RYR2: variants seen among roughly 807,000 people sequenced by gnomAD.
The protein encoded by RYR2 is cardiac muscle ryanodine receptor-calcium release channel.
In RYR2, 227 loss-of-function variants were observed where a neutral mutation model predicts 601.1. That is an observed-to-expected ratio of 0.38 (90% CI 0.34 to 0.42). The LOEUF (loss-of-function observed/expected upper bound fraction) is 0.42. Among genes scored for constraint, RYR2 ranks in the 10% least tolerant of loss-of-function variants. The pLI is 1.00. For synonymous variants in RYR2, 2,223 were observed against 2,175.1 expected (o/e 1.02, Z -0.61); for missense variants, 4,646 against 6,156.5 (o/e 0.75, Z 8.21).
intron 1 of RYR2, among the ~76,000 whole-genome samples, chr1:237,066,673 G>T (rs755287336): frequency 6.9e-6 from 1 of 145,656 alleles, no homozygotes; most frequent in African/African-American, 2.6e-5. Context: ...ACGGAGTCTC[G>T]CTCTGTCGCC....
chr1:237,609,135 CCTCT>C lies in RYR2; in HGVS notation c.4684-1616_4684-1613del, dbSNP rs564901040. 2.7e-3 allele frequency among the ~76,000 whole-genome samples: 346 copies of C among 130,120 alleles called. 2 individuals are homozygous for C. Among genetic ancestry groups the C allele is most frequent in the African/African-American group, 8.4e-3 (325 of 38,656 alleles). 85.4% of individuals were successfully genotyped at this position (130,120 alleles called of 152,430 possible). A position where few individuals can be genotyped will look rare whatever the true frequency, so the allele number is the denominator to read the frequency against. On this transcript the variant is annotated intron_variant, in intron 35 of 104. Transcript: ENST00000366574. ...CTGATGTGATCTCAGCTCACTACAA[CCTCT>C]CTCTCTCTCTTTTTCTCTTTCTCTC... is the stretch of plus-strand genomic sequence containing the variant.
intron 100 of RYR2, among the ~76,000 whole-genome samples, chr1:237,809,837 A>G (rs1266786755): frequency 6.6e-6 from 1 of 152,226 alleles, no homozygotes; most frequent in Non-Finnish European, 1.5e-5. Context: ...ATGACAACTC[A>G]GTGGGACAGA....
chr1:237,818,970 C>T lies in RYR2; in HGVS notation c.14434-66C>T, dbSNP rs2275691. ...AGGATTAGGAACTACAGAGATAACT[C>T]GGGTTTGTCGAGAAAAAAAAATGGG... On this transcript the variant is annotated intron_variant, in intron 100 of 104. Coordinates refer to ENST00000366574, the MANE Select transcript of RYR2 (RefSeq NM_001035.3). The T allele has an allele frequency of 0.034, 47,886 of 1,428,196 alleles. 4,933 individuals are homozygous for T. The highest frequency in any genetic ancestry group is 0.3 in the African/African-American group (20,898 of 70,604). The allele number at this position is 1,428,196 out of a possible 1,614,324, so 88.5% of individuals were successfully genotyped here.
At chr1:237,810,668 G>A (rs1029552020) in intron 100 of RYR2, among the ~76,000 whole-genome samples, 1 of 152,082 alleles carries the variant, frequency 6.6e-6, no homozygotes, top group Non-Finnish European at 1.5e-5. Context: ...AAGAACATTA[G>A]CTGCCCTCAC....
intron 41 of RYR2, among the ~76,000 whole-genome samples, chr1:237,628,983 A>G (rs554215420): frequency 1.3e-5 from 2 of 152,320 alleles, no homozygotes; most frequent in South Asian, 4.1e-4. Context: ...CCCCATATTC[A>G]AGAGTGAGGA....
chr1:237,428,757 T>A (rs1706474487), intron 12 of RYR2, among the ~76,000 whole-genome samples: 1 of 146,744 alleles, frequency 6.8e-6, no homozygotes. Context: ...CCTGGAACAT[T>A]AAAAAAAAAA....
At chr1:237,151,981 C>T (rs138081565) in intron 1 of RYR2, among the ~76,000 whole-genome samples, 20 of 152,216 alleles carry the variant, frequency 1.3e-4, no homozygotes, top group African/African-American at 4.8e-4. Context: ...CATGCATTAG[C>T]TATTTGCCCT....
chr1:237,550,454 T>C, intron 26 of RYR2, 90 bp from the exon 27 acceptor site: 2 of 1,450,592 alleles, frequency 1.4e-6, no homozygotes, highest in Non-Finnish European at 9.4e-7. Flanking sequence ...GTTTTTCTCA[T>C]GGAATTTAAA....
At chr1:237,096,613 T>A (rs1467217118) in intron 1 of RYR2, among the ~76,000 whole-genome samples, 1 of 152,236 alleles carries the variant, frequency 6.6e-6, no homozygotes, top group African/African-American at 2.4e-5. Context: ...CTAACCATAG[T>A]AATGGTATCT....
intron 27 of RYR2, among the ~76,000 whole-genome samples, chr1:237,554,068 T>G (rs867609146): frequency 6.6e-6 from 1 of 151,910 alleles, no homozygotes; most frequent in African/African-American, 2.4e-5. Context: ...GTAAGAGAGT[T>G]TATTCTGCCT....
rs571840310 is a variant in RYR2, at chr1:237,124,292, G to A, written c.48+81723G>A. On this transcript the variant is annotated intron_variant, in intron 1 of 104. Transcript: ENST00000366574. ...AGGTCATCTATTCTAACATCTCACC[G>A]AGTGCGGGGGTCCCTTCTGTAGTAG... 3.9e-5 allele frequency among the ~76,000 whole-genome samples: 6 copies of A among 152,310 alleles called. No homozygotes were observed. The South Asian group carries it at 1.0e-3, about 26-fold the overall frequency.
chr1:237,063,435 A>G (rs552839513), intron 1 of RYR2, among the ~76,000 whole-genome samples: 8 of 101,206 alleles, frequency 7.9e-5, no homozygotes, highest in Admixed American at 1.8e-4. Flanking sequence ...TTCAGTGTTT[A>G]CACTAGAGAT....
At chr1:237,364,661 A>T (rs1396460467) in intron 5 of RYR2, among the ~76,000 whole-genome samples, 1 of 151,986 alleles carries the variant, frequency 6.6e-6, no homozygotes, top group African/African-American at 2.4e-5. Flanking sequence ...TTTAGATTTA[A>T]CAACTCAACA....
chr1:237,603,864 A>G (rs1179096033), intron 35 of RYR2, among the ~76,000 whole-genome samples: 1 of 152,242 alleles, frequency 6.6e-6, no homozygotes, highest in Non-Finnish European at 1.5e-5. Context: ...TTCAACAAGA[A>G]AAGCTAACTA....
At chr1:237,099,195 C>T (rs1304204886) in intron 1 of RYR2, among the ~76,000 whole-genome samples, 1 of 151,994 alleles carries the variant, frequency 6.6e-6, no homozygotes, top group Non-Finnish European at 1.5e-5. Context: ...TTGCTGTTCT[C>T]GGTGTGTTCC....
chr1:237,283,342 A>T (rs1414390007), intron 2 of RYR2, among the ~76,000 whole-genome samples: 3 of 151,574 alleles, frequency 2.0e-5, no homozygotes, highest in African/African-American at 7.3e-5. Context: ...CCTCCCTCCC[A>T]CGCTCCTCTC....
intron 20 of RYR2, among the ~76,000 whole-genome samples, chr1:237,497,413 A>T (rs1664188442): frequency 6.6e-6 from 1 of 152,236 alleles, no homozygotes; most frequent in South Asian, 2.1e-4. Flanking sequence ...TCTCTGATTC[A>T]TGAAGAAGTA....
chr1:237,727,951 A>T (rs1367254600), intron 76 of RYR2, among the ~76,000 whole-genome samples: 1 of 152,064 alleles, frequency 6.6e-6, no homozygotes, highest in East Asian at 1.9e-4. Context: ...CATCACCTCT[A>T]TGTCTCAGAA....
intron 28 of RYR2, among the ~76,000 whole-genome samples, chr1:237,568,067 A>C (rs1467219559): frequency 6.6e-6 from 1 of 152,190 alleles, no homozygotes; most frequent in Non-Finnish European, 1.5e-5. Flanking sequence ...GATCAGATGT[A>C]ATGAACCAGA....
Sources: allele counts gnomAD v4.1 joint callset (sites outside exome capture counted in the v4.1 genomes callset), GRCh38; gene constraint gnomAD v4.1.1; transcripts MANE v1.5; gene names NCBI Gene and HGNC (gene_info 2026-07-23, HGNC 2026-07-21).